SMIM7: variants seen among roughly 807,000 people sequenced by gnomAD.
SMIM7 encodes the protein small integral membrane protein 7.
Under a neutral mutation model 13.3 loss-of-function variants are expected in SMIM7, and 12 were observed. The ratio of observed to expected loss-of-function variants is 0.90; its 90% CI spans 0.58 to 1.46. The LOEUF (loss-of-function observed/expected upper bound fraction) is 1.46, where lower values mean the gene tolerates loss of function less well. SMIM7 is among the 40% of genes most tolerant of loss of function. The pLI is 0.00. For synonymous variants in SMIM7, 36 were observed against 35.8 expected, an observed-to-expected ratio of 1.01 and a Z score of -0.02; for missense variants, 114 against 94.8, an observed-to-expected ratio of 1.20 and a Z score of -0.84.
intron 4 of SMIM7, among the ~76,000 whole-genome samples, 179 bp from the exon 5 acceptor site, chr19:16,647,440 C>T (rs10413017): frequency 6.6e-6 from 1 of 151,506 alleles, no homozygotes; most frequent in African/African-American, 2.4e-5. Flanking sequence ...CTGAACTACA[C>T]AGTTAAAAGA....
chr19:16,639,276 C>T (rs966910881), intron 4 of SMIM7, among the ~76,000 whole-genome samples: 2 of 152,082 alleles, frequency 1.3e-5, no homozygotes, highest in African/African-American at 4.8e-5. Flanking sequence ...GCGCCCACCA[C>T]CTCGCCCGGC....
At position 16,647,074 on chromosome 19, in the gene SMIM7, G is replaced by A. The variant is rs917991305; in HGVS notation, c.*172C>T. The A allele has an allele frequency of 5.4e-6, 4 of 742,996 alleles. No homozygotes were observed. The highest frequency in any genetic ancestry group is 9.1e-6 in the Non-Finnish European group (4 of 440,098). The allele number at this position is 742,996 out of a possible 1,614,324, so 46.0% of individuals were successfully genotyped here. On this transcript the variant is annotated 3_prime_UTR_variant, in exon 5 of 5. Transcript: ENST00000487416. ...TGAAACTATCTTTGAAAACAGGGAC[G>A]TGGCTGGGAAACCATGCACACCTCG...
Position 16,659,305 on chromosome 19 carries a change from GAGAA to G in SMIM7, c.121+86_121+89del, listed in dbSNP as rs748753651. The G allele has an allele frequency of 2.8e-4, 189 of 686,304 alleles. No individual in the cohort carries two copies. In the African/African-American group the frequency reaches 3.0e-3, roughly 11 times the overall value. 42.5% of individuals were successfully genotyped at this position (686,304 alleles called of 1,614,324 possible). A position where few individuals can be genotyped will look rare whatever the true frequency, so the allele number is the denominator to read the frequency against. On this transcript the variant is annotated intron_variant, in intron 3 of 4. Transcript: ENST00000487416. ...GTCAAAAAAAAAAAAAAAAAAAAAA[GAGAA>G]AGAAAGAAAACGAAGGTAGGGCTTG...
At chr19:16,654,700 AAAAG>A (rs1467513863) in intron 3 of SMIM7, among the ~76,000 whole-genome samples, 1 of 152,192 alleles carries the variant, frequency 6.6e-6, no homozygotes, top group Non-Finnish European at 1.5e-5. Context: ...CATTAAAAAA[AAAAG>A]AAAGAAGACT....
intron 3 of SMIM7, 181 bp downstream of exon 3, chr19:16,659,214 T>G (rs1220471402): frequency 1.5e-6 from 1 of 664,694 alleles, no homozygotes. Flanking sequence ...GCTCAGGAGG[T>G]CGAGTCTGCA....
intron 4 of SMIM7, among the ~76,000 whole-genome samples, chr19:16,650,839 G>C (rs1000395429): frequency 6.6e-6 from 1 of 152,110 alleles, no homozygotes; most frequent in African/African-American, 2.4e-5. Flanking sequence ...CCAACTCCCT[G>C]GCTAAACAGT....
At chr19:16,653,894 C>T in intron 4 of SMIM7, 141 bp downstream of exon 4, 1 of 724,886 alleles carries the variant, frequency 1.4e-6, no homozygotes, top group Non-Finnish European at 2.2e-6. Context: ...GATTCCATCT[C>T]AAACAAAACA....
At chr19:16,652,421 T>TG (rs746485679) in intron 4 of SMIM7, 170 of 484,596 alleles carry the variant, frequency 3.5e-4, no homozygotes, top group Middle Eastern at 1.0e-3. Context: ...AGGCTGGTCT[T>TG]GAACTCCTGG....
At chr19:16,637,546 C>T (rs1336456807) in intron 4 of SMIM7, among the ~76,000 whole-genome samples, 1 of 152,222 alleles carries the variant, frequency 6.6e-6, no homozygotes, top group African/African-American at 2.4e-5. Flanking sequence ...CCTCCCCAGC[C>T]TGTTAGGCAG....
At chr19:16,655,404 G>C (rs1057313604) in intron 3 of SMIM7, 11 of 455,636 alleles carry the variant, frequency 2.4e-5, no homozygotes, top group Non-Finnish European at 4.8e-5. Context: ...GATTAGGCCA[G>C]GCATGGTGGC....
chr19:16,659,107 AC>A, intron 3 of SMIM7: 1 of 461,558 alleles, frequency 2.2e-6, no homozygotes, highest in South Asian at 2.2e-5. Context: ...ACGTGGAGAA[AC>A]CCCATCTCTA....
At chr19:16,637,129 C>G (rs1334775988) in intron 4 of SMIM7, among the ~76,000 whole-genome samples, 1 of 152,182 alleles carries the variant, frequency 6.6e-6, no homozygotes, top group Non-Finnish European at 1.5e-5. Flanking sequence ...ACACGTGGCT[C>G]CTGGCTACTG....
At chr19:16,655,275 C>T (rs1385591346) in intron 3 of SMIM7, 17 of 455,304 alleles carry the variant, frequency 3.7e-5, no homozygotes, top group Non-Finnish European at 6.6e-5. Context: ...GAAACCCCTC[C>T]GAGGGAAGGC....
chr19:16,653,372 C>G (rs2086553609), intron 4 of SMIM7, among the ~76,000 whole-genome samples: 1 of 151,902 alleles, frequency 6.6e-6, no homozygotes, highest in Non-Finnish European at 1.5e-5. Flanking sequence ...CACATGAGGT[C>G]AGGAGTTCAA....
intron 2 of SMIM7, 98 bp downstream of exon 2, chr19:16,659,861 T>C (rs1023034353): frequency 1.3e-6 from 2 of 1,494,532 alleles, no homozygotes; most frequent in Middle Eastern, 2.3e-4. Flanking sequence ...GGCCTGCGGC[T>C]TGGGGGCGGG....
downstream of SMIM7, chr19:16,645,611 T>C (rs1224361486): frequency 6.6e-6 from 1 of 151,648 alleles, no homozygotes; most frequent in African/African-American, 2.4e-5. Context: ...GCAATGACTC[T>C]TTCAATACTT....
At chr19:16,653,754 G>A (rs2086559998) in intron 4 of SMIM7, 2 of 428,270 alleles carry the variant, frequency 4.7e-6, no homozygotes, top group African/African-American at 2.1e-5. Context: ...AATCAGCCGT[G>A]TGTGGTGGCA....
At chr19:16,645,543 A>T (rs2086440463), downstream of SMIM7, 1 of 152,190 alleles carries the variant, frequency 6.6e-6, no homozygotes, top group African/African-American at 2.4e-5. Flanking sequence ...GGAGAATTCC[A>T]CAACCTGAGA....
chr19:16,641,757 C>A (rs1322859567), downstream of SMIM7, among the ~76,000 whole-genome samples: 2 of 152,176 alleles, frequency 1.3e-5, no homozygotes, highest in African/African-American at 4.8e-5. Context: ...CAGCACGACA[C>A]CCGGCTAGTT....
Sources: gnomAD v4.1 joint callset for allele counts (sites outside exome capture counted in the v4.1 genomes callset) on GRCh38, gnomAD v4.1.1 for gene constraint, MANE v1.5 for transcripts, NCBI Gene and HGNC (gene_info 2026-07-23, HGNC 2026-07-21) for gene names.